The following CANX variants were observed in gnomAD, a reference collection of about 807,000 sequenced individuals.
CANX encodes epididymis secretory sperm binding protein.
Under a neutral mutation model 75.7 loss-of-function variants are expected in CANX, and 14 were observed. The observed-to-expected ratio is 0.19, with a 90% confidence interval of 0.12 to 0.29. The LOEUF (loss-of-function observed/expected upper bound fraction) is 0.29. Among genes scored for constraint, CANX ranks in the 10% least tolerant of loss-of-function variants. CANX has a pLI of 1.00. For synonymous variants in CANX, 227 were observed against 236.9 expected, an observed-to-expected ratio of 0.96 and a Z score of 0.38; for missense variants, 567 against 713.2, an observed-to-expected ratio of 0.79 and a Z score of 2.34.
intron 8 of CANX, among the ~76,000 whole-genome samples, chr5:179,716,513 G>C (rs529591751): frequency 2.0e-5 from 3 of 152,328 alleles, no homozygotes; most frequent in African/African-American, 4.8e-5. Flanking sequence ...TGCCACACTT[G>C]ATAAGAGTTT....
chr5:179,720,592 A>G, intron 10 of CANX, 32 bp downstream of exon 10: 1 of 1,602,550 alleles, frequency 6.2e-7, no homozygotes, highest in Non-Finnish European at 8.6e-7. Flanking sequence ...AGTTGCTTTC[A>G]TTAATCTGTT....
chr5:179,690,576 CAAAA>C (rs58874777), intron 1 of CANX, among the ~76,000 whole-genome samples: 3 of 59,838 alleles, frequency 5.0e-5, no homozygotes, highest in Admixed American at 2.2e-4. Context: ...GACTTCATCT[CAAAA>C]AAAAAAAAAA....
At chr5:179,726,862 A>T (rs1778708285) in intron 14 of CANX, 103 bp downstream of exon 14, 2 of 802,920 alleles carry the variant, frequency 2.5e-6, no homozygotes, top group South Asian at 3.3e-5. Context: ...TGGCAGTAAA[A>T]ATTCTGTTAA....
chr5:179,721,224 T>C (rs535467535), intron 10 of CANX, among the ~76,000 whole-genome samples: 1 of 151,548 alleles, frequency 6.6e-6, no homozygotes, highest in East Asian at 2.0e-4. Context: ...AGCACAGGTG[T>C]GCTCACAGGT....
intron 7 of CANX, chr5:179,715,842 C>A: frequency 6.7e-6 from 3 of 447,892 alleles, no homozygotes; most frequent in Non-Finnish European, 1.2e-5. Flanking sequence ...TTTTTAGTGT[C>A]TATAAGTCAA....
chr5:179,712,512 G>T (rs1485519319), intron 7 of CANX, among the ~76,000 whole-genome samples: 1 of 151,308 alleles, frequency 6.6e-6, no homozygotes, highest in Admixed American at 6.6e-5. Context: ...TCTGCCTCTT[G>T]CATTCAAGCG....
rs375008394 is a variant in CANX at position 179,723,787 on chromosome 5, G to GTT, written c.1518+18_1518+19dup. ...TTCTGCTGTTCTGGAAAGGTAGGAA[G>GTT]TTTTTTTTTTTAGAATCAATTTTAG... On this transcript the variant is annotated intron_variant, in intron 12 of 14. Transcript: ENST00000247461. 4.8e-4 allele frequency: 633 copies of GTT among 1,314,328 alleles called. No homozygotes were observed. Among genetic ancestry groups the GTT allele is most frequent in the African/African-American group, 1.4e-3 (94 of 66,480 alleles). The allele number at this position is 1,314,328 out of a possible 1,614,324, so 81.4% of individuals were successfully genotyped here. A position where few individuals can be genotyped will look rare whatever the true frequency, so the allele number is the denominator to read the frequency against.
intron 7 of CANX, among the ~76,000 whole-genome samples, chr5:179,711,610 GAA>G: frequency 2.0e-5 from 3 of 151,258 alleles, no homozygotes; most frequent in Admixed American, 6.6e-5. Flanking sequence ...CCAACATGGT[GAA>G]GCCCCATCTC....
chr5:179,697,763 C>T (rs1456545825), upstream of CANX, among the ~76,000 whole-genome samples: 1 of 152,052 alleles, frequency 6.6e-6, no homozygotes, highest in Admixed American at 6.6e-5. Flanking sequence ...TGGTGGCGGG[C>T]GCCTGTAATC....
Position 179,703,018 on chromosome 5 carries a change from C to T in CANX, c.-3-2661C>T, listed in dbSNP as rs191548474. On this transcript the variant is annotated intron_variant, in intron 1 of 14. Transcript: ENST00000247461. ...TCCCGAACTCAGGTGATCCACCTGCCTCGGCCTCCCAAAGTGCTGTGATTA... is the reference window on the plus strand; with the variant it reads ...TCCCGAACTCAGGTGATCCACCTGCTTCGGCCTCCCAAAGTGCTGTGATTA... Among the ~76,000 whole-genome samples the T allele has an allele frequency of 5.0e-3, 760 of 152,312 alleles. 4 individuals carry two copies. The highest frequency in any genetic ancestry group is 0.048 in the Middle Eastern group (14 of 294).
At chr5:179,694,136 C>T, upstream of CANX, 1 of 147,066 alleles carries the variant, frequency 6.8e-6, no homozygotes, top group Non-Finnish European at 1.3e-5. Context: ...AAGAGAGAAA[C>T]TCCGTCTCAA....
At chr5:179,694,455 GC>G, upstream of CANX, 1 of 700,534 alleles carries the variant, frequency 1.4e-6, no homozygotes. Context: ...GGATCCTAGT[GC>G]CCCCAAAAGG....
exon 1 of CANX, chr5:179,678,713 A>G (rs1234380379): frequency 3.9e-6 from 6 of 1,536,832 alleles, no homozygotes; most frequent in Non-Finnish European, 5.2e-6. Context: ...CTGCTTCTCC[A>G]GCAAGTGCAT....
rs765353184 is a variant in CANX at position 179,724,656 on chromosome 5, G to A, written c.1519-1G>A. On this transcript the variant is annotated splice_acceptor_variant, in intron 12 of 14. Coordinates refer to ENST00000247461, the MANE Select transcript of CANX (RefSeq NM_001746.4). LOFTEE classifies it high-confidence loss of function. ...AAATTGTACTTTGGGGAACATTTCA[G>A]AAACAGACCAGTGGTATGGAGTATA... 6.2e-7 allele frequency: 1 copy of A among 1,612,282 alleles called. No homozygotes were observed. The highest frequency in any genetic ancestry group is 8.5e-7 in the Non-Finnish European group (1 of 1,179,038).
chr5:179,706,343 C>G lies in CANX; in HGVS notation c.245+12C>G. On this transcript the variant is annotated intron_variant, in intron 3 of 14. Transcript: ENST00000247461. ...GGAACTCTGTCAGGGTAAGTGTTTTCCAGAGAAATATATGTTAGAGGCAGA... is the reference window on the plus strand; with the variant it reads ...GGAACTCTGTCAGGGTAAGTGTTTTGCAGAGAAATATATGTTAGAGGCAGA... 1 of 1,460,666 alleles carries G rather than the reference C, an allele frequency of 6.8e-7. No homozygotes were observed. Among genetic ancestry groups the G allele is most frequent in the South Asian group, 1.2e-5 (1 of 85,300 alleles). The allele number at this position is 1,460,666 out of a possible 1,614,324, so 90.5% of individuals were successfully genotyped here. A position where few individuals can be genotyped will look rare whatever the true frequency, so the allele number is the denominator to read the frequency against.
At chr5:179,698,651 C>T (rs1157176840), upstream of CANX, 4 of 1,200,950 alleles carry the variant, frequency 3.3e-6, no homozygotes, top group East Asian at 5.7e-5. Context: ...GGCACCACAG[C>T]AACCGACGCG....
intron 1 of CANX, among the ~76,000 whole-genome samples, chr5:179,681,914 C>G (rs1252995010): frequency 6.8e-6 from 1 of 147,850 alleles, no homozygotes; most frequent in Non-Finnish European, 1.5e-5. Context: ...TGCCACTGCA[C>G]TCCAGCATGG....
At chr5:179,714,523 TA>T (rs751197982) in intron 7 of CANX, among the ~76,000 whole-genome samples, 2 of 151,528 alleles carry the variant, frequency 1.3e-5, no homozygotes, top group African/African-American at 2.4e-5. Context: ...TATTTATTTT[TA>T]TTTTTTTTTT....
Position 179,719,846 on chromosome 5 carries a change from G to C in CANX, c.1025+65G>C, listed in dbSNP as rs1778194226. On this transcript the variant is annotated intron_variant, in intron 9 of 14. Coordinates refer to ENST00000247461, the MANE Select transcript of CANX (RefSeq NM_001746.4). ...TTTGTTTGTTTTTTTTTTTGAGATG[G>C]AGTCTCACTCTGTCTCCCAGGCTGG... 3 of 871,142 alleles carry C rather than the reference G, an allele frequency of 3.4e-6. No homozygotes were observed. In the Admixed American group the frequency reaches 7.2e-5, roughly 21 times the overall value. 54.0% of individuals were successfully genotyped at this position (871,142 alleles called of 1,614,324 possible).
Sources: gnomAD v4.1 joint callset for allele counts (sites outside exome capture counted in the v4.1 genomes callset) on GRCh38, gnomAD v4.1.1 for gene constraint, MANE v1.5 for transcripts, NCBI Gene and HGNC (gene_info 2026-07-23, HGNC 2026-07-21) for gene names.